The following MGMT variants were observed in gnomAD, a reference collection of about 807,000 sequenced individuals.
The protein encoded by MGMT is O-6-methylguanine-DNA methyltransferase, also known as methylated-DNA--protein-cysteine methyltransferase.
In MGMT, 14 loss-of-function variants were observed where a neutral mutation model predicts 15.9. That is an observed-to-expected ratio of 0.88 (90% CI 0.58 to 1.37). MGMT has a LOEUF of 1.37. Ranked by LOEUF, MGMT falls within the 40% of genes most tolerant of loss-of-function variation. The pLI, the probability that MGMT is intolerant of heterozygous loss-of-function variation, is 0.00. For synonymous variants in MGMT, 130 were observed against 118.2 expected, an observed-to-expected ratio of 1.10 and a Z score of -0.65; for missense variants, 282 against 268.1, an observed-to-expected ratio of 1.05 and a Z score of -0.36.
At chr10:129,614,358 G>C (rs1846997645) in intron 2 of MGMT, among the ~76,000 whole-genome samples, 1 of 152,168 alleles carries the variant, frequency 6.6e-6, no homozygotes, top group Admixed American at 6.5e-5. Flanking sequence ...TAAGACACGT[G>C]GTCTAGGGTT....
intron 1 of MGMT, among the ~76,000 whole-genome samples, chr10:129,490,997 G>T (rs545300430): frequency 3.5e-4 from 54 of 152,180 alleles, no homozygotes; most frequent in African/African-American, 1.2e-3. Flanking sequence ...GGATGCTGTT[G>T]TATTTTAATT....
intron 2 of MGMT, among the ~76,000 whole-genome samples, chr10:129,651,276 C>T (rs1393269011): frequency 3.9e-5 from 6 of 152,114 alleles, no homozygotes; most frequent in African/African-American, 7.2e-5. Context: ...CCTGCAGCAC[C>T]GGCGCTTTTA....
chr10:129,510,029 C>A (rs1845664483), intron 1 of MGMT, among the ~76,000 whole-genome samples: 1 of 152,178 alleles, frequency 6.6e-6, no homozygotes, highest in African/African-American at 2.4e-5. Context: ...CAGTGTCCAT[C>A]TGGGGTCCTG....
intron 1 of MGMT, among the ~76,000 whole-genome samples, chr10:129,496,430 AG>A (rs1442475610): frequency 6.6e-6 from 1 of 152,192 alleles, no homozygotes; most frequent in East Asian, 1.9e-4. Flanking sequence ...ACCTTGGCTC[AG>A]GGGACATAAC....
chr10:129,624,416 A>G (rs998110585), intron 2 of MGMT, among the ~76,000 whole-genome samples: 1 of 152,186 alleles, frequency 6.6e-6, no homozygotes, highest in African/African-American at 2.4e-5. Flanking sequence ...ATTGGCCTAC[A>G]GTAAAATAAA....
In MGMT at chr10:129,560,989, G is replaced by GTGTGTGCGTGTGCA. The variant is rs1554911327; in HGVS notation, c.125+24618_125+24619insCGTGTGCATGTGTG. 4.0e-4 allele frequency among the ~76,000 whole-genome samples: 60 copies of GTGTGTGCGTGTGCA among 149,900 alleles called. 2 individuals are homozygous for GTGTGTGCGTGTGCA. The highest frequency in any genetic ancestry group is 6.6e-4 in the Admixed American group (10 of 15,080). On this transcript the variant is annotated intron_variant, in intron 2 of 4. Transcript: ENST00000651593. ...TGTGTGTGTGTGTGTGTGTGTGTGT[G>GTGTGTGCGTGTGCA]TGTGTGTGTTCCTTTCCCAGCCAGC...
chr10:129,489,349 G>T (rs1448404723), intron 1 of MGMT, among the ~76,000 whole-genome samples: 1 of 118,552 alleles, frequency 8.4e-6, no homozygotes, highest in East Asian at 2.6e-4. Context: ...GACAGTGCAG[G>T]ACTCTGTCTC....
Position 129,573,145 on chromosome 10 carries a change from C to T in MGMT, c.125+36768C>T, listed in dbSNP as rs569237837. Reference sequence around the variant, plus strand: ...TTGGGGTTCCTTGGTAAAATGCTTGCTTTTGTTTCCTGTTGGGTTATTTTG... The same window carrying T: ...TTGGGGTTCCTTGGTAAAATGCTTGTTTTTGTTTCCTGTTGGGTTATTTTG... On this transcript the variant is annotated intron_variant, in intron 2 of 4. Coordinates refer to ENST00000651593, the MANE Select transcript of MGMT (RefSeq NM_002412.5). Among the ~76,000 whole-genome samples, 7 of 152,134 alleles carry T rather than the reference C, an allele frequency of 4.6e-5. No homozygotes were observed. The South Asian group carries it at 1.5e-3, about 32-fold the overall frequency.
intron 3 of MGMT, among the ~76,000 whole-genome samples, chr10:129,746,053 G>A (rs1296429934): frequency 6.6e-6 from 1 of 151,980 alleles, no homozygotes; most frequent in Admixed American, 6.6e-5. Context: ...GGCTGACACA[G>A]TGAAACCCTG....
chr10:129,526,135 C>A (rs1354478442), intron 1 of MGMT, among the ~76,000 whole-genome samples: 1 of 152,188 alleles, frequency 6.6e-6, no homozygotes, highest in African/African-American at 2.4e-5. Context: ...TCAGCCGTGG[C>A]CCTTTATACT....
At chr10:129,509,593 A>C (rs1845660511) in intron 1 of MGMT, among the ~76,000 whole-genome samples, 1 of 152,262 alleles carries the variant, frequency 6.6e-6, no homozygotes, top group South Asian at 2.1e-4. Flanking sequence ...ATTCTACTCT[A>C]GGATGACTAA....
chr10:129,469,809 C>T (rs565860190), intron 1 of MGMT, among the ~76,000 whole-genome samples: 5 of 152,230 alleles, frequency 3.3e-5, no homozygotes, highest in Admixed American at 6.5e-5. Context: ...TGGGCTCAAG[C>T]GAACCTCCTG....
At chr10:129,689,866 A>G (rs561481888) in intron 2 of MGMT, among the ~76,000 whole-genome samples, 5 of 152,364 alleles carry the variant, frequency 3.3e-5, no homozygotes, top group Admixed American at 2.0e-4. Context: ...TGCCTGGGAA[A>G]AGAGAGATGA....
intron 2 of MGMT, among the ~76,000 whole-genome samples, chr10:129,565,017 A>G (rs1564854004): frequency 6.6e-6 from 1 of 152,200 alleles, no homozygotes; most frequent in Non-Finnish European, 1.5e-5. Flanking sequence ...GCCTTCATGA[A>G]AAAAGATGGA....
Position 129,514,822 on chromosome 10 carries a change from A to G in MGMT, c.-12-21419A>G, listed in dbSNP as rs147709782. Among the ~76,000 whole-genome samples the G allele has an allele frequency of 4.6e-3, 701 of 152,328 alleles. 6 individuals carry two copies. Among genetic ancestry groups the G allele is most frequent in the African/African-American group, 0.016 (660 of 41,584 alleles). ...CTTCCTGGCCTCCACAACTGTGAGA[A>G]AGAAATGTCTGTTGTTTATGAGCCA... On this transcript the variant is annotated intron_variant, in intron 1 of 4. Coordinates refer to ENST00000651593, the MANE Select transcript of MGMT (RefSeq NM_002412.5).
intron 1 of MGMT, among the ~76,000 whole-genome samples, chr10:129,515,184 G>A (rs1845725122): frequency 6.6e-6 from 1 of 152,250 alleles, no homozygotes; most frequent in African/African-American, 2.4e-5. Flanking sequence ...CAGGCACAGT[G>A]CAGCCTGGTG....
chr10:129,708,905 G>C (rs1372402653), intron 3 of MGMT, among the ~76,000 whole-genome samples: 1 of 152,170 alleles, frequency 6.6e-6, no homozygotes, highest in African/African-American at 2.4e-5. Flanking sequence ...AATTGCTGCG[G>C]TGCTTCTCAG....
chr10:129,514,211 A>G (rs12260472), intron 1 of MGMT, among the ~76,000 whole-genome samples: 23,573 of 152,204 alleles, frequency 0.15, 2,555 homozygotes, highest in African/African-American at 0.3. Flanking sequence ...TTTCCTCGTG[A>G]TAGTGAGAAT....
At chr10:129,657,695 A>ACACACACACACACACACG (rs1847542510) in intron 2 of MGMT, among the ~76,000 whole-genome samples, 2 of 139,140 alleles carry the variant, frequency 1.4e-5, no homozygotes, top group African/African-American at 5.5e-5. Flanking sequence ...ACACACACAC[A>ACACACACACACACACACG]CACACACACA....
Sources: allele counts gnomAD v4.1 joint callset (sites outside exome capture counted in the v4.1 genomes callset), GRCh38; gene constraint gnomAD v4.1.1; transcripts MANE v1.5; gene names NCBI Gene and HGNC (gene_info 2026-07-23, HGNC 2026-07-21).